The following ANKS1B variants were observed in gnomAD, a reference collection of about 807,000 sequenced individuals.
ANKS1B encodes the protein ankyrin repeat and sterile alpha motif domain-containing protein 1B.
Under a neutral mutation model 148.3 loss-of-function variants are expected in ANKS1B, and 36 were observed. The observed-to-expected ratio is 0.24, with a 90% CI of 0.19 to 0.32. ANKS1B has a LOEUF of 0.32. Among genes scored for constraint, ANKS1B ranks in the 10% least tolerant of loss-of-function variants. The probability of loss-of-function intolerance (pLI) is 1.00; values close to 1 mark genes in which losing one functional copy is unlikely to be tolerated. For missense variants in ANKS1B, 1,157 were observed against 1,542.6 expected, an observed-to-expected ratio of 0.75 and a Z score of 4.19; for synonymous variants, 542 against 560.8, an observed-to-expected ratio of 0.97 and a Z score of 0.47.
chr12:99,659,803 A>T (rs1036953500), intron 8 of ANKS1B, among the ~76,000 whole-genome samples: 1 of 152,200 alleles, frequency 6.6e-6, no homozygotes, highest in African/African-American at 2.4e-5. Context: ...TGATGCTCAA[A>T]ATGTTACTCG....
Position 99,844,091 on chromosome 12 carries a change from G to A in ANKS1B, c.135-18702C>T, listed in dbSNP as rs148369706. Among the ~76,000 whole-genome samples, 27 of 152,012 alleles carry A rather than the reference G, an allele frequency of 1.8e-4. 1 individual carries two copies. The highest frequency in any genetic ancestry group is 6.5e-4 in the African/African-American group (27 of 41,488). ...ATGTCCTTTGCCCACTTCTTAATGGGGTTGTTTTTTTCTTGTAAATTTGTT... is the reference window on the plus strand; with the variant it reads ...ATGTCCTTTGCCCACTTCTTAATGGAGTTGTTTTTTTCTTGTAAATTTGTT... On this transcript the variant is annotated intron_variant, in intron 1 of 26. Transcript: ENST00000683438.
Position 99,655,146 on chromosome 12 carries a change from G to A in ANKS1B, c.1193C>T (p.Thr398Met), listed in dbSNP as rs377459874. 85 of 1,612,656 alleles carry A rather than the reference G, an allele frequency of 5.3e-5. No individual in the cohort carries two copies. The highest frequency in any genetic ancestry group is 6.9e-5 in the Non-Finnish European group (81 of 1,179,106). ...EVEEEDDDEN[T>M]CGPSGLWEAL... ...TTCCCAAAGTCCTGATGGCCCACAC[G>A]TATTTTCATCATCATCCTCTTCTTC... Residue 398 changes from threonine to methionine, a missense_variant, in exon 9 of 27, where the codon ACG becomes ATG. By Grantham distance (81) the Thr-to-Met change is moderately conservative. Coordinates refer to ENST00000683438, the MANE Select transcript of ANKS1B (RefSeq NM_001352186.2).
At chr12:99,048,974 A>C (rs2099964220) in intron 17 of ANKS1B, 1 of 152,220 alleles carries the variant, frequency 6.6e-6, no homozygotes, top group South Asian at 2.1e-4. Flanking sequence ...TATAGGTATA[A>C]ATGCAATGCT....
intron 10 of ANKS1B, among the ~76,000 whole-genome samples, chr12:99,486,305 G>T (rs190437883): frequency 6.6e-6 from 1 of 151,946 alleles, no homozygotes; most frequent in Non-Finnish European, 1.5e-5. Flanking sequence ...GACTCTGTAA[G>T]ATTTCCTTGG....
intron 1 of ANKS1B, among the ~76,000 whole-genome samples, chr12:99,907,503 T>C (rs1224432127): frequency 6.6e-6 from 1 of 152,170 alleles, no homozygotes; most frequent in Non-Finnish European, 1.5e-5. Flanking sequence ...ATTGAATCAT[T>C]CCAGTTCTCT....
intron 1 of ANKS1B, 41 bp downstream of exon 1, chr12:99,984,062 AT>A: frequency 6.4e-7 from 1 of 1,563,948 alleles, no homozygotes; most frequent in Admixed American, 1.7e-5. Flanking sequence ...ATCACAATGC[AT>A]AATGAGGTGT....
At chr12:98,955,471 T>C (rs2099860664) in intron 17 of ANKS1B, among the ~76,000 whole-genome samples, 1 of 151,868 alleles carries the variant, frequency 6.6e-6, no homozygotes, top group Admixed American at 6.6e-5. Flanking sequence ...CTGGCTGCAA[T>C]ATTGAGAAAA....
intron 12 of ANKS1B, among the ~76,000 whole-genome samples, chr12:99,267,389 TA>T (rs1368773547): frequency 8.5e-5 from 13 of 152,180 alleles, no homozygotes; most frequent in Non-Finnish European, 8.8e-5. Flanking sequence ...ATGTCAGTAC[TA>T]ATTTAGTTCC....
intron 1 of ANKS1B, among the ~76,000 whole-genome samples, chr12:99,948,342 G>A (rs1603482823): frequency 6.8e-6 from 1 of 148,078 alleles, no homozygotes; most frequent in African/African-American, 2.5e-5. Flanking sequence ...CAAAAAAAAA[G>A]AAGGATGCCT....
intron 10 of ANKS1B, among the ~76,000 whole-genome samples, chr12:99,487,588 C>A (rs1157077945): frequency 6.7e-6 from 1 of 148,514 alleles, no homozygotes; most frequent in Non-Finnish European, 1.5e-5. Flanking sequence ...GCATGTATGT[C>A]TTTAGTAATT....
chr12:99,181,457 C>A (rs2079099156), intron 14 of ANKS1B, among the ~76,000 whole-genome samples: 1 of 152,050 alleles, frequency 6.6e-6, no homozygotes, highest in South Asian at 2.1e-4. Context: ...TTGTAAACAG[C>A]AAATTAGTGA....
intron 17 of ANKS1B, among the ~76,000 whole-genome samples, chr12:98,990,884 A>G (rs896382669): frequency 2.0e-5 from 3 of 148,778 alleles, no homozygotes; most frequent in Admixed American, 2.0e-4. Context: ...CGCTATATGC[A>G]TGGCATGACC....
At chr12:98,862,620 G>A (rs1005314999) in intron 17 of ANKS1B, among the ~76,000 whole-genome samples, 16 of 152,114 alleles carry the variant, frequency 1.1e-4, no homozygotes, top group Non-Finnish European at 8.8e-5. Flanking sequence ...CTCAAATAAT[G>A]TAACTTAGCA....
intron 8 of ANKS1B, among the ~76,000 whole-genome samples, chr12:99,709,970 T>G (rs2056400915): frequency 6.6e-6 from 1 of 152,158 alleles, no homozygotes; most frequent in African/African-American, 2.4e-5. Flanking sequence ...GCCCAATTTC[T>G]TACTTCATCC....
intron 15 of ANKS1B, among the ~76,000 whole-genome samples, chr12:99,096,763 G>A (rs779634996): frequency 3.3e-5 from 5 of 152,140 alleles, no homozygotes; most frequent in East Asian, 1.9e-4. Context: ...GGAAAGAAAC[G>A]GAGGGACATG....
chr12:99,652,472 GA>G (rs895776490), intron 9 of ANKS1B, among the ~76,000 whole-genome samples: 1 of 147,582 alleles, frequency 6.8e-6, no homozygotes, highest in African/African-American at 2.5e-5. Flanking sequence ...GACTCCATCT[GA>G]AAAAAAAAGA....
intron 12 of ANKS1B, among the ~76,000 whole-genome samples, chr12:99,395,183 C>T (rs548253342): frequency 1.4e-4 from 22 of 152,260 alleles, no homozygotes; most frequent in African/African-American, 4.6e-4. Flanking sequence ...AACTGGCTTT[C>T]CTGCATCCAC....
At chr12:98,876,602 G>T (rs1294707339) in intron 17 of ANKS1B, among the ~76,000 whole-genome samples, 2 of 152,192 alleles carry the variant, frequency 1.3e-5, no homozygotes, top group Non-Finnish European at 1.5e-5. Flanking sequence ...AATTGAATTT[G>T]TTGAATTCAC....
intron 17 of ANKS1B, among the ~76,000 whole-genome samples, chr12:99,024,857 G>A (rs1342299871): frequency 1.3e-5 from 2 of 152,140 alleles, no homozygotes; most frequent in Non-Finnish European, 1.5e-5. Context: ...CCAGGGCCAT[G>A]TACCAGGCAA....
Sources: gnomAD v4.1 joint callset for allele counts (sites outside exome capture counted in the v4.1 genomes callset) on GRCh38, gnomAD v4.1.1 for gene constraint, MANE v1.5 for transcripts, NCBI Gene and HGNC (gene_info 2026-07-23, HGNC 2026-07-21) for gene names.